Variants in COL11A2 observed in about 807,000 individuals in gnomAD.
The protein encoded by COL11A2 is collagen alpha-2(XI) chain.
In COL11A2, 116 loss-of-function variants were observed where a neutral mutation model predicts 273.4. The ratio of observed to expected loss-of-function variants is 0.42; its 90% CI spans 0.36 to 0.49. The LOEUF is 0.49. Ranked by LOEUF, COL11A2 falls within the 20% of genes least tolerant of loss-of-function variation. The pLI is 0.00. For synonymous variants in COL11A2, 782 were observed against 864.2 expected (o/e 0.90, Z 1.67); for missense variants, 1,866 against 2,309.0 (o/e 0.81, Z 3.93).
At chr6:33,172,974 G>A (rs887535908) in intron 38 of COL11A2, 86 bp downstream of exon 38, 31 of 1,426,758 alleles carry the variant, frequency 2.2e-5, no homozygotes, top group Admixed American at 1.8e-4. Flanking sequence ...CAGGTGGACC[G>A]GGGCAGGGGC....
rs1770518698 is a variant in COL11A2 at position 33,173,938 on chromosome 6, AGAG to A, written c.2530-15_2530-13del. 6.2e-7 allele frequency: 1 copy of A among 1,613,960 alleles called. No homozygotes were observed. The highest frequency in any genetic ancestry group is 1.1e-5 in the South Asian group (1 of 91,090). ...TGACCCCGTGGACCCTACAGAGGGA[AGAG>A]GAGTTGTCAGAGAAACCCAAATGCC... On this transcript the variant is annotated splice_polypyrimidine_tract_variant and intron_variant, in intron 33 of 65. Transcript: ENST00000341947. The surrounding 1 kb of genome is among the most constrained non-coding windows in gnomAD (Gnocchi z 6.3).
chr6:33,186,631 C>G lies in COL11A2; in HGVS notation c.794G>C (p.Ser265Thr), dbSNP rs756428345. Residue 265 changes from serine (S) to threonine (T), a missense_variant, in exon 5 of 66, where the codon AGC becomes ACC. Transcript: ENST00000341947. Reference protein sequence around the residue: ...LHRPQNQEPQSQPTESLYYDY... With the variant: ...LHRPQNQEPQTQPTESLYYDY... Reference sequence around the variant, plus strand: ...GGGTTCTCCCAGCTCCCTCACCTGGCTCTGGGGTTCCTGATTTTGTGGCCT... The same window carrying G: ...GGGTTCTCCCAGCTCCCTCACCTGGGTCTGGGGTTCCTGATTTTGTGGCCT... 7.4e-6 allele frequency: 12 copies of G among 1,614,140 alleles called. No homozygotes were observed. The South Asian group carries it at 1.2e-4, about 16-fold the overall frequency.
chr6:33,166,663 C>G lies in COL11A2; in HGVS notation c.4338+57G>C. Reference sequence around the variant, plus strand: ...CAGCTGAGTCCCAACTCCAACTCCACCCCTCTCCACCCCACTCTCAACCCC... The same window carrying G: ...CAGCTGAGTCCCAACTCCAACTCCAGCCCTCTCCACCCCACTCTCAACCCC... On this transcript the variant is annotated intron_variant, in intron 59 of 65. Transcript: ENST00000341947. This position sits in a 1 kb window ranked among gnomAD's most constrained non-coding sequence, Gnocchi z 4.8. The G allele has an allele frequency of 6.2e-7, 1 of 1,610,890 alleles. No homozygotes were observed. The highest frequency in any genetic ancestry group is 1.1e-5 in the South Asian group (1 of 90,974).
chr6:33,172,677 C>T, intron 38 of COL11A2, 40 bp from the exon 39 acceptor site: 1 of 1,568,830 alleles, frequency 6.4e-7, no homozygotes, highest in Non-Finnish European at 8.7e-7. Context: ...TCAGGCCCTT[C>T]ATCTCGCTGT....
At position 33,165,988 on chromosome 6, in the gene COL11A2, A is replaced by T. The variant is rs769170326; in HGVS notation, c.4429-4T>A. On this transcript the variant is annotated splice_polypyrimidine_tract_variant and splice_region_variant and intron_variant, in intron 61 of 65. Transcript: ENST00000341947. The surrounding 1 kb of genome is among the most constrained non-coding windows in gnomAD (Gnocchi z 7.7). ...CTCCCTTGGGTCCGCCTGGGCCCTG[A>T]CAAGGAATAAATCAGGTCATGGAGG... 4.3e-6 allele frequency: 7 copies of T among 1,614,036 alleles called. No homozygotes were observed. In the South Asian group the frequency reaches 7.7e-5, roughly 18 times the overall value.
intron 8 of COL11A2, 54 bp from the exon 9 acceptor site, chr6:33,181,224 T>G: frequency 6.4e-7 from 1 of 1,571,152 alleles, no homozygotes. Context: ...GCCAGGACAC[T>G]AGGCCTTTCT....
chr6:33,165,204 T>G lies in COL11A2; in HGVS notation c.4751-240A>C, dbSNP rs1768940231. 6.6e-6 allele frequency among the ~76,000 whole-genome samples: 1 copy of G among 152,128 alleles called. No individual in the cohort carries two copies. Among genetic ancestry groups the G allele is most frequent in the African/African-American group, 2.4e-5 (1 of 41,430 alleles). Reference sequence around the variant, plus strand: ...CCCCCAACAGTAACCCCAGGCCCTCTGACTGGAGGAGGTCCGAGTATGGAC... The same window carrying G: ...CCCCCAACAGTAACCCCAGGCCCTCGGACTGGAGGAGGTCCGAGTATGGAC... On this transcript the variant is annotated intron_variant, in intron 63 of 65. Transcript: ENST00000341947. This position sits in a 1 kb window ranked among gnomAD's most constrained non-coding sequence, Gnocchi z 7.7.
rs1769864636 is a variant in COL11A2, at chr6:33,170,401, C to G, written c.3529-22G>C. On this transcript the variant is annotated intron_variant, in intron 47 of 65. Coordinates refer to ENST00000341947, the MANE Select transcript of COL11A2 (RefSeq NM_080680.3). This position sits in a 1 kb window ranked among gnomAD's most constrained non-coding sequence, Gnocchi z 4.3. ...GTCCCTGGGGGAAACAGATACACCA[C>G]AGATGAGGAAGGGAAGTGAGATGGC... The G allele has an allele frequency of 3.1e-6, 5 of 1,610,936 alleles. No homozygotes were observed. The highest frequency in any genetic ancestry group is 4.2e-6 in the Non-Finnish European group (5 of 1,178,810).
chr6:33,174,895 G>C (rs1390512631), intron 30 of COL11A2, among the ~76,000 whole-genome samples: 1 of 152,022 alleles, frequency 6.6e-6, no homozygotes, highest in East Asian at 1.9e-4. Context: ...CCCCATGAGG[G>C]AGGTGGGATC....
In COL11A2 at chr6:33,173,488, C is replaced by T. The variant is rs1375414681; in HGVS notation, c.2682+14G>A. ...CAGAGAAGCGAGGTGGGTCAGAGCTCGGGGTCAACTTACCGGGGGTCCTTT... is the reference window on the plus strand; with the variant it reads ...CAGAGAAGCGAGGTGGGTCAGAGCTTGGGGTCAACTTACCGGGGGTCCTTT... On this transcript the variant is annotated intron_variant, in intron 36 of 65. Transcript: ENST00000341947. The surrounding 1 kb of genome is among the most constrained non-coding windows in gnomAD (Gnocchi z 6.3). The T allele has an allele frequency of 6.2e-7, 1 of 1,611,298 alleles. No homozygotes were observed. The highest frequency in any genetic ancestry group is 8.5e-7 in the Non-Finnish European group (1 of 1,179,428).
Position 33,176,375 on chromosome 6 carries a change from G to A in COL11A2, c.2169+58C>T, listed in dbSNP as rs1393848135. The A allele has an allele frequency of 3.7e-6, 6 of 1,603,614 alleles. No homozygotes were observed. In the African/African-American group the frequency reaches 4.0e-5, roughly 11 times the overall value. On this transcript the variant is annotated intron_variant, in intron 27 of 65. Coordinates refer to ENST00000341947, the MANE Select transcript of COL11A2 (RefSeq NM_080680.3). The surrounding 1 kb of genome is among the most constrained non-coding windows in gnomAD (Gnocchi z 4.9). ...TGGGTTGGAAGGACCAAGCTCCTAAGACCCCATATAGCTCCCCTGACCACA... is the reference window on the plus strand; with the variant it reads ...TGGGTTGGAAGGACCAAGCTCCTAAAACCCCATATAGCTCCCCTGACCACA...
In COL11A2 at chr6:33,170,596, G is replaced by A; in HGVS notation, c.3489C>T (p.Pro1163=). 6.2e-7 allele frequency: 1 copy of A among 1,612,506 alleles called. No homozygotes were observed. Among genetic ancestry groups the A allele is most frequent in the Non-Finnish European group, 8.5e-7 (1 of 1,179,800 alleles). ...CTCCTGTTTCTCCCTTCTCCCCAGA[G>A]GGGCCTGGCAAACCCTGTGCAAGTA... is the stretch of plus-strand genomic sequence containing the variant. ...GPIGLQGLPG[P]SGEKGETGDV... The change falls in exon 47 of 66, where the codon CCC becomes CCT. Residue 1163 remains proline, a synonymous_variant. Coordinates refer to ENST00000341947, the MANE Select transcript of COL11A2 (RefSeq NM_080680.3). The surrounding 1 kb of genome is among the most constrained non-coding windows in gnomAD (Gnocchi z 4.3).
Position 33,168,499 on chromosome 6 carries a change from C to T in COL11A2, c.3960+20G>A, listed in dbSNP as rs367914320. ...GCCCAGGGACTGCCTCCCAAGGTCT[C>T]AGGGGTCCACCTCACTTACTCGCTT... On this transcript the variant is annotated intron_variant, in intron 54 of 65. Transcript: ENST00000341947. The T allele has an allele frequency of 1.2e-6, 2 of 1,613,230 alleles. No homozygotes were observed. Among genetic ancestry groups the T allele is most frequent in the African/African-American group, 2.7e-5 (2 of 74,898 alleles).
chr6:33,186,899 C>A, intron 4 of COL11A2, 81 bp from the exon 5 acceptor site: 1 of 1,584,528 alleles, frequency 6.3e-7, no homozygotes, highest in Admixed American at 1.7e-5. Flanking sequence ...GTATAGGAGG[C>A]CAATCCTAGG....
intron 8 of COL11A2, among the ~76,000 whole-genome samples, chr6:33,182,567 C>T (rs1016941985): frequency 4.0e-5 from 6 of 149,880 alleles, no homozygotes; most frequent in Admixed American, 2.7e-4. Flanking sequence ...AAAAAATAGC[C>T]GGGCGCAGTG....
rs1227700875 is a variant in COL11A2, at chr6:33,192,292, C to G, written c.-52G>C. 27 of 1,506,082 alleles carry G rather than the reference C, an allele frequency of 1.8e-5. No homozygotes were observed. The Admixed American group carries it at 5.3e-4, about 30-fold the overall frequency. 93.3% of individuals were successfully genotyped at this position (1,506,082 alleles called of 1,614,324 possible). A position where few individuals can be genotyped will look rare whatever the true frequency, so the allele number is the denominator to read the frequency against. ...CAGGGACCCAGGTCGGCCTGAGACG[C>G]TGGATGCCCTGAGGCTGACAGAAGA... On this transcript the variant is annotated 5_prime_UTR_variant, in exon 1 of 66. Coordinates refer to ENST00000341947, the MANE Select transcript of COL11A2 (RefSeq NM_080680.3).
At chr6:33,191,178 C>T (rs953796670) in intron 1 of COL11A2, among the ~76,000 whole-genome samples, 2 of 152,218 alleles carry the variant, frequency 1.3e-5, no homozygotes, top group African/African-American at 4.8e-5. Context: ...TCTACAGGCA[C>T]CATACGCCTC....
In COL11A2 at chr6:33,179,202, A is replaced by G. The variant is rs1282065943; in HGVS notation, c.1557+29T>C. The G allele has an allele frequency of 6.2e-7, 1 of 1,611,914 alleles. No homozygotes were observed. The highest frequency in any genetic ancestry group is 1.1e-5 in the South Asian group (1 of 90,478). ...AGGGAGACTGAGCTGGTGAACAGAT[A>G]TGGGGGTGCAGTGGAGGAAAGTGGT... On this transcript the variant is annotated intron_variant, in intron 15 of 65. Transcript: ENST00000341947. The surrounding 1 kb of genome is among the most constrained non-coding windows in gnomAD (Gnocchi z 6.4).
In COL11A2 at chr6:33,179,244, T is replaced by C; in HGVS notation, c.1544A>G (p.Asp515Gly). 6.2e-7 allele frequency: 1 copy of C among 1,611,674 alleles called. No individual in the cohort carries two copies. The highest frequency in any genetic ancestry group is 8.5e-7 in the Non-Finnish European group (1 of 1,179,342). Residue 515 changes from aspartate to glycine, a missense_variant, in exon 15 of 66, where the codon GAC becomes GGC. Transcript: ENST00000341947. The surrounding 1 kb of genome is among the most constrained non-coding windows in gnomAD (Gnocchi z 6.4). ...GAAAGTGGTCACCTGAGGTCCTAAG[T>C]CTCCAGACTCTCCTTTCAGGCCAGG... The part of the protein sequence containing the change: ...GSPGLKGESG[D>G]LGPQGPRGPQ...
Sources: gnomAD v4.1 joint callset for allele counts (sites outside exome capture counted in the v4.1 genomes callset) on GRCh38, gnomAD v4.1.1 for gene constraint, Gnocchi (gnomAD v3.1) non-coding constraint, MANE v1.5 for transcripts, NCBI Gene and HGNC (gene_info 2026-07-23, HGNC 2026-07-21) for gene names.